Variants in CCNY observed in about 807,000 individuals in gnomAD.
CCNY encodes cyclin-Y.
Under a neutral mutation model 42.8 loss-of-function variants are expected in CCNY, and 19 were observed. That is an observed-to-expected ratio of 0.44 (90% CI 0.31 to 0.65). The LOEUF (loss-of-function observed/expected upper bound fraction) is 0.65, where lower values mean the gene tolerates loss of function less well. CCNY is among the 30% of genes least tolerant of loss of function. CCNY has a pLI of 0.07. For synonymous variants in CCNY, 165 were observed against 162.7 expected (o/e 1.01, Z -0.11); for missense variants, 370 against 437.3 (o/e 0.85, Z 1.37).
At chr10:35,284,570 G>C (rs1835333188) in intron 3 of CCNY, among the ~76,000 whole-genome samples, 1 of 152,098 alleles carries the variant, frequency 6.6e-6, no homozygotes, top group South Asian at 2.1e-4. Flanking sequence ...CAAAGGACCA[G>C]TGTTCATTTT....
chr10:35,340,452 C>T (rs1032710970), intron 1 of CCNY, among the ~76,000 whole-genome samples: 17 of 151,690 alleles, frequency 1.1e-4, no homozygotes, highest in African/African-American at 4.1e-4. Flanking sequence ...AACAGCTGTA[C>T]CATAGTGTCC....
At position 35,566,101 on chromosome 10, in the gene CCNY, T is replaced by C. The variant is rs747604840; in HGVS notation, c.825T>C (p.Tyr275=). 7.4e-6 allele frequency: 12 copies of C among 1,614,256 alleles called. No homozygotes were observed. Among genetic ancestry groups the C allele is most frequent in the Non-Finnish European group, 3.4e-6 (4 of 1,180,046 alleles). ...CTTCCAGTGTCTATGCCAAGTATTA[T>C]TTTGATCTTCGTTCTCTGGCAGAAG... The part of the protein sequence containing the change: ...NVPSSVYAKY[Y]FDLRSLAEAN... Residue 275 remains tyrosine (Y), a synonymous_variant, in exon 9 of 10, where the codon TAT becomes TAC. Transcript: ENST00000374704.
chr10:35,356,577 T>G (rs968709482), intron 1 of CCNY, among the ~76,000 whole-genome samples: 2 of 152,102 alleles, frequency 1.3e-5, no homozygotes, highest in Non-Finnish European at 2.9e-5. Flanking sequence ...GGGTGGTGCT[T>G]CTTCAGAAAA....
intron 5 of CCNY, among the ~76,000 whole-genome samples, chr10:35,529,280 A>C (rs780541923): frequency 6.6e-6 from 1 of 152,202 alleles, no homozygotes; most frequent in Non-Finnish European, 1.5e-5. Context: ...GGATACATTG[A>C]TATTCATTCT....
chr10:35,420,740 C>T (rs967395047), intron 1 of CCNY, among the ~76,000 whole-genome samples: 4 of 152,198 alleles, frequency 2.6e-5, no homozygotes, highest in Non-Finnish European at 4.4e-5. Flanking sequence ...TGTTTTCAAA[C>T]CGCAAAAACA....
At chr10:35,258,472 A>G (rs2095717109) in intron 3 of CCNY, among the ~76,000 whole-genome samples, 1 of 152,192 alleles carries the variant, frequency 6.6e-6, no homozygotes, top group South Asian at 2.1e-4. Context: ...CTTCATTTCC[A>G]GAGGAGGAGG....
At chr10:35,549,330 C>T (rs1019728081) in intron 7 of CCNY, among the ~76,000 whole-genome samples, 1 of 152,154 alleles carries the variant, frequency 6.6e-6, no homozygotes, top group East Asian at 1.9e-4. Flanking sequence ...GGTCAAGCCA[C>T]GTGACCCTAT....
At chr10:35,497,726 CA>C (rs34502756) in intron 2 of CCNY, among the ~76,000 whole-genome samples, 5,777 of 73,608 alleles carry the variant, frequency 0.078, 180 homozygotes, top group African/African-American at 0.2. Flanking sequence ...GACTCCGTCT[CA>C]AAAAAAAAAA....
chr10:35,272,060 T>C (rs988968395), intron 3 of CCNY, among the ~76,000 whole-genome samples: 8 of 152,158 alleles, frequency 5.3e-5, no homozygotes, highest in Non-Finnish European at 1.0e-4. Flanking sequence ...GATCTCGGCT[T>C]ACTGCAACCT....
chr10:35,349,806 T>G (rs1055903905), intron 1 of CCNY, among the ~76,000 whole-genome samples: 1 of 152,198 alleles, frequency 6.6e-6, no homozygotes, highest in African/African-American at 2.4e-5. Context: ...AAAAAATGTT[T>G]CCAGATGTGG....
At chr10:35,519,309 G>A (rs1443793822) in intron 4 of CCNY, among the ~76,000 whole-genome samples, 1 of 151,930 alleles carries the variant, frequency 6.6e-6, no homozygotes, top group African/African-American at 2.4e-5. Context: ...TCTGGCTGAG[G>A]CATTCTCTGG....
intron 1 of CCNY, among the ~76,000 whole-genome samples, chr10:35,365,657 A>G (rs537705339): frequency 1.1e-3 from 166 of 152,200 alleles, no homozygotes; most frequent in Non-Finnish European, 2.0e-3. Flanking sequence ...GTATGGTATT[A>G]GGTGAAAAGA....
chr10:35,544,200 CCACT>C (rs1564452958), intron 7 of CCNY, among the ~76,000 whole-genome samples: 1 of 152,172 alleles, frequency 6.6e-6, no homozygotes, highest in East Asian at 1.9e-4. Flanking sequence ...CACTCACTCA[CCACT>C]CACTCACTTA....
At chr10:35,442,804 T>G (rs1227236305) in intron 1 of CCNY, among the ~76,000 whole-genome samples, 1 of 152,208 alleles carries the variant, frequency 6.6e-6, no homozygotes, top group Non-Finnish European at 1.5e-5. Context: ...AGGTGGTATG[T>G]TCTAAGAAGT....
intron 5 of CCNY, among the ~76,000 whole-genome samples, chr10:35,526,628 T>A (rs753830708): frequency 7.9e-5 from 12 of 152,176 alleles, no homozygotes; most frequent in Admixed American, 4.6e-4. Context: ...AAAATGTATT[T>A]CTTTCATAAG....
intron 1 of CCNY, among the ~76,000 whole-genome samples, chr10:35,338,482 G>A (rs1383481683): frequency 6.6e-6 from 1 of 152,170 alleles, no homozygotes; most frequent in Non-Finnish European, 1.5e-5. Flanking sequence ...ACGCTTAGAT[G>A]TCTTTGAACT....
chr10:35,361,666 C>T (rs1284107191), intron 1 of CCNY, among the ~76,000 whole-genome samples: 2 of 152,184 alleles, frequency 1.3e-5, no homozygotes, highest in Non-Finnish European at 2.9e-5. Flanking sequence ...TGCTCACTGT[C>T]TTCACTAATT....
intron 1 of CCNY, among the ~76,000 whole-genome samples, chr10:35,444,396 C>T (rs930657936): frequency 9.2e-5 from 14 of 152,000 alleles, no homozygotes; most frequent in South Asian, 2.1e-4. Flanking sequence ...TATGGGTGTG[C>T]GCCATCACGC....
intron 1 of CCNY, among the ~76,000 whole-genome samples, chr10:35,337,898 T>C (rs1011906853): frequency 7.9e-5 from 12 of 152,180 alleles, no homozygotes; most frequent in Non-Finnish European, 1.5e-4. Flanking sequence ...CAGGTGACTT[T>C]TGGTTGGTCT....
Sources: allele counts gnomAD v4.1 joint callset (sites outside exome capture counted in the v4.1 genomes callset), GRCh38; gene constraint gnomAD v4.1.1; transcripts MANE v1.5; gene names NCBI Gene and HGNC (gene_info 2026-07-23, HGNC 2026-07-21).